Variants in RFX3 observed in about 807,000 individuals in gnomAD.
The protein encoded by RFX3 is regulatory factor X3.
Under a neutral mutation model 98.6 loss-of-function variants are expected in RFX3, and 14 were observed. The ratio of observed to expected loss-of-function variants is 0.14; its 90% confidence interval spans 0.09 to 0.22. RFX3 has a LOEUF of 0.22. Ranked by LOEUF, RFX3 falls within the 10% of genes least tolerant of loss-of-function variation. RFX3 has a pLI of 1.00. For missense variants in RFX3, 639 were observed against 926.9 expected (o/e 0.69, Z 4.03); for synonymous variants, 383 against 328.4 (o/e 1.17, Z -1.80).
At chr9:3,522,626 TAAACAC>T (rs1180144561) in intron 1 of RFX3, among the ~76,000 whole-genome samples, 2 of 151,570 alleles carry the variant, frequency 1.3e-5, no homozygotes, top group Non-Finnish European at 2.9e-5. Flanking sequence ...CCCACCCATT[TAAACAC>T]AAACACACAC....
At chr9:3,411,324 T>C (rs1842450015) in intron 1 of RFX3, among the ~76,000 whole-genome samples, 4 of 152,232 alleles carry the variant, frequency 2.6e-5, no homozygotes, top group Admixed American at 2.0e-4. Context: ...TGTCTTTCTT[T>C]CCCCCTTTCT....
At chr9:3,454,791 C>T (rs1846999133) in intron 1 of RFX3, among the ~76,000 whole-genome samples, 1 of 152,130 alleles carries the variant, frequency 6.6e-6, no homozygotes, top group Non-Finnish European at 1.5e-5. Context: ...ATAAGCCATT[C>T]ACATGTGTAT....
intron 1 of RFX3, among the ~76,000 whole-genome samples, chr9:3,420,564 A>T (rs1564077422): frequency 6.6e-6 from 1 of 152,208 alleles, no homozygotes; most frequent in Non-Finnish European, 1.5e-5. Flanking sequence ...GACTTGTCTA[A>T]GGTCATTTTA....
rs540097073 is a variant in RFX3 at position 3,275,572 on chromosome 9, G to C, written c.1014C>G (p.Ile338Met). Residue 338 changes from isoleucine (I) to methionine (M), a missense_variant, in exon 9 of 17, where the codon ATC becomes ATG. Around this residue, in one of 9 missense-constraint regions of RFX3, gnomAD observed 86 missense variants for 113.2 expected, o/e 0.76. Transcript: ENST00000617270. Reference protein sequence around the residue: ...RALPEFGEVEISSLPDGTTFE... With the variant: ...RALPEFGEVEMSSLPDGTTFE... Reference sequence around the variant, plus strand: ...AGGTAGTACCATCTGGCAGAGAAGAGATTTCAACTTCTCCAAACTCTGGAA... The same window carrying C: ...AGGTAGTACCATCTGGCAGAGAAGACATTTCAACTTCTCCAAACTCTGGAA... 1.2e-6 allele frequency: 2 copies of C among 1,612,386 alleles called. No individual in the cohort carries two copies. Among genetic ancestry groups the C allele is most frequent in the African/African-American group, 1.3e-5 (1 of 74,966 alleles).
intron 1 of RFX3, among the ~76,000 whole-genome samples, chr9:3,508,580 T>C (rs1376194487): frequency 6.6e-6 from 1 of 151,944 alleles, no homozygotes; most frequent in Admixed American, 6.6e-5. Flanking sequence ...AAGAGCTAAC[T>C]AATATTTCAT....
intron 3 of RFX3, among the ~76,000 whole-genome samples, chr9:3,340,030 G>C (rs746556757): frequency 9.2e-5 from 14 of 152,134 alleles, no homozygotes; most frequent in Non-Finnish European, 1.9e-4. Flanking sequence ...AACCAAAACA[G>C]CATGGTACTG....
chr9:3,286,479 T>G (rs1417169649), intron 7 of RFX3, among the ~76,000 whole-genome samples: 3 of 151,828 alleles, frequency 2.0e-5, no homozygotes, highest in African/African-American at 7.2e-5. Flanking sequence ...ATAGCCAACC[T>G]TGAACTGAGT....
chr9:3,254,981 A>C, intron 14 of RFX3, among the ~76,000 whole-genome samples: 1 of 152,210 alleles, frequency 6.6e-6, no homozygotes, highest in East Asian at 1.9e-4. Flanking sequence ...TATGAGAGGC[A>C]GGACTGTGGA....
At chr9:3,303,144 A>G (rs1828866270) in intron 4 of RFX3, among the ~76,000 whole-genome samples, 1 of 151,868 alleles carries the variant, frequency 6.6e-6, no homozygotes, top group African/African-American at 2.4e-5. Flanking sequence ...CTCTGCCAGA[A>G]TGGATGTTAA....
chr9:3,478,719 C>T (rs1429957451), intron 1 of RFX3, among the ~76,000 whole-genome samples: 1 of 152,148 alleles, frequency 6.6e-6, no homozygotes, highest in Non-Finnish European at 1.5e-5. Context: ...GCACATTGTA[C>T]AGCCTTTTAA....
intron 1 of RFX3, among the ~76,000 whole-genome samples, chr9:3,432,670 G>T (rs1199115574): frequency 6.6e-6 from 1 of 152,186 alleles, no homozygotes; most frequent in African/African-American, 2.4e-5. Flanking sequence ...GGAATTAACA[G>T]AATATGACTT....
At chr9:3,340,647 G>A (rs1042902742) in intron 3 of RFX3, among the ~76,000 whole-genome samples, 4 of 152,150 alleles carry the variant, frequency 2.6e-5, no homozygotes, top group African/African-American at 9.7e-5. Context: ...AAAGACACAT[G>A]AAAAAATGCT....
chr9:3,423,708 A>T (rs1311322342), intron 1 of RFX3, among the ~76,000 whole-genome samples: 2 of 149,610 alleles, frequency 1.3e-5, no homozygotes, highest in African/African-American at 5.0e-5. Flanking sequence ...GGTTACATAG[A>T]TATAAATTTT....
chr9:3,247,227 C>A (rs1458859894), intron 15 of RFX3: 1 of 972,734 alleles, frequency 1.0e-6, no homozygotes, highest in East Asian at 1.2e-4. Flanking sequence ...GCATTTGCAT[C>A]TATTCCTCAT....
chr9:3,512,518 G>GT (rs914977361), intron 1 of RFX3, among the ~76,000 whole-genome samples: 18 of 151,784 alleles, frequency 1.2e-4, no homozygotes, highest in African/African-American at 3.1e-4. Flanking sequence ...CTAATTTTGT[G>GT]TTTTTTATAT....
At chr9:3,504,859 T>C (rs1470097444) in intron 1 of RFX3, among the ~76,000 whole-genome samples, 1 of 25,630 alleles carries the variant, frequency 3.9e-5, no homozygotes, top group African/African-American at 1.4e-4. Flanking sequence ...TTATATATGA[T>C]ATAATATATA....
At chr9:3,445,694 C>T (rs1422178526) in intron 1 of RFX3, among the ~76,000 whole-genome samples, 1 of 152,032 alleles carries the variant, frequency 6.6e-6, no homozygotes, top group Non-Finnish European at 1.5e-5. Flanking sequence ...CTTATAATTC[C>T]TTAGAGGCAA....
intron 11 of RFX3, among the ~76,000 whole-genome samples, chr9:3,268,405 T>C (rs1192084483): frequency 6.6e-6 from 1 of 151,698 alleles, no homozygotes; most frequent in East Asian, 1.9e-4. Context: ...AATGGATGGT[T>C]TGGAATTTAA....
chr9:3,411,783 G>A (rs943414571), intron 1 of RFX3, among the ~76,000 whole-genome samples: 13 of 151,726 alleles, frequency 8.6e-5, no homozygotes, highest in East Asian at 3.9e-4. Context: ...GAGCCACTGC[G>A]CAGGCCTCTT....
Sources: allele counts gnomAD v4.1 joint callset (sites outside exome capture counted in the v4.1 genomes callset), GRCh38; gene constraint gnomAD v4.1.1; regional missense constraint gnomAD v4.1.1; transcripts MANE v1.5; gene names NCBI Gene and HGNC (gene_info 2026-07-23, HGNC 2026-07-21).